Variants in CDIN1 observed in about 807,000 individuals in gnomAD.
The protein encoded by CDIN1 is CDAN1-interacting nuclease 1.
CDIN1 carries 33 observed loss-of-function variants against 45.3 expected under a neutral mutation model. The observed-to-expected ratio is 0.73, with a 90% CI of 0.55 to 0.97. The LOEUF is 0.97. Among genes scored for constraint, CDIN1 ranks in the 50% least tolerant of loss-of-function variants. The pLI is 0.00. For synonymous variants in CDIN1, 118 were observed against 124.4 expected, an observed-to-expected ratio of 0.95 and a Z score of 0.34; for missense variants, 303 against 339.4, an observed-to-expected ratio of 0.89 and a Z score of 0.84.
intron 10 of CDIN1, among the ~76,000 whole-genome samples, chr15:36,784,535 ATCTG>A (rs1417535651): frequency 2.0e-5 from 3 of 152,328 alleles, no homozygotes; most frequent in African/African-American, 7.2e-5. Context: ...TTACTTAAGA[ATCTG>A]TCTGCTGAAA....
chr15:36,626,227 G>A (rs2039416821), intron 1 of CDIN1, among the ~76,000 whole-genome samples: 2 of 150,728 alleles, frequency 1.3e-5, no homozygotes, highest in Admixed American at 6.6e-5. Context: ...AGCTAGAACT[G>A]ATGGGGAATC....
intron 7 of CDIN1, among the ~76,000 whole-genome samples, chr15:36,696,188 G>A (rs900800531): frequency 3.3e-5 from 5 of 152,060 alleles, no homozygotes; most frequent in African/African-American, 1.2e-4. Context: ...CACATAGTAA[G>A]CACTGAAAAA....
intron 10 of CDIN1, among the ~76,000 whole-genome samples, chr15:36,769,445 GATTTT>G (rs1327194639): frequency 4.6e-5 from 7 of 152,168 alleles, no homozygotes; most frequent in Admixed American, 2.0e-4. Context: ...GGAAACCTCA[GATTTT>G]GCTCTTCAAG....
At chr15:36,686,882 G>A (rs559293737) in intron 5 of CDIN1, among the ~76,000 whole-genome samples, 1 of 126,480 alleles carries the variant, frequency 7.9e-6, no homozygotes, top group South Asian at 3.0e-4. Flanking sequence ...AAAGATGGAG[G>A]GAGGGTGGGA....
At position 36,653,930 on chromosome 15, in the gene CDIN1, T is replaced by G. The variant is rs140561742; in HGVS notation, c.213-168T>G. On this transcript the variant is annotated intron_variant, in intron 3 of 10. Coordinates refer to ENST00000566621, the MANE Select transcript of CDIN1 (RefSeq NM_001321759.2). ...TGCCAGTGGTTTTGAGGTGAGTTGT[T>G]TGTGTTATGTTTTTCCCTTCAGTGC... Among the ~76,000 whole-genome samples the G allele has an allele frequency of 2.9e-3, 444 of 152,304 alleles. 3 individuals carry two copies. The highest frequency in any genetic ancestry group is 0.01 in the African/African-American group (422 of 41,570).
At chr15:36,775,152 T>A (rs1027922695) in intron 10 of CDIN1, among the ~76,000 whole-genome samples, 2 of 152,166 alleles carry the variant, frequency 1.3e-5, no homozygotes, top group African/African-American at 4.8e-5. Flanking sequence ...CTTACCAAAC[T>A]TTTGTTTTTC....
intron 5 of CDIN1, among the ~76,000 whole-genome samples, chr15:36,675,175 T>G (rs1180493018): frequency 6.6e-6 from 1 of 152,122 alleles, no homozygotes; most frequent in Non-Finnish European, 1.5e-5. Flanking sequence ...CATATTCATT[T>G]TTATTGGTGA....
Position 36,696,919 on chromosome 15 carries a change from C to A in CDIN1, c.477-404C>A, listed in dbSNP as rs1388897625. ...TTGAGCCTAGGAGTTTGAGACCAGC[C>A]TGAGCAACATAGTGCGATTCCATTT... is the stretch of plus-strand genomic sequence containing the variant. On this transcript the variant is annotated intron_variant, in intron 7 of 10. Transcript: ENST00000566621. 5.5e-5 allele frequency among the ~76,000 whole-genome samples: 8 copies of A among 144,784 alleles called. No homozygotes were observed. The East Asian group carries it at 1.4e-3, about 25-fold the overall frequency. 95.0% of individuals were successfully genotyped at this position (144,784 alleles called of 152,430 possible).
chr15:36,632,833 G>A (rs1298857353), intron 1 of CDIN1, among the ~76,000 whole-genome samples: 1 of 152,222 alleles, frequency 6.6e-6, no homozygotes, highest in Non-Finnish European at 1.5e-5. Context: ...TATATAATGT[G>A]TTGAAGTTAT....
At chr15:36,755,147 T>A (rs1235277422) in intron 10 of CDIN1, among the ~76,000 whole-genome samples, 1 of 152,210 alleles carries the variant, frequency 6.6e-6, no homozygotes, top group Non-Finnish European at 1.5e-5. Flanking sequence ...TTTTTGAAAT[T>A]GCAGAAGTAT....
chr15:36,729,958 G>GT (rs1257404419), intron 10 of CDIN1, among the ~76,000 whole-genome samples: 1 of 151,960 alleles, frequency 6.6e-6, no homozygotes, highest in East Asian at 1.9e-4. Context: ...CAAAGACAGT[G>GT]TTTTTTTAAA....
intron 1 of CDIN1, among the ~76,000 whole-genome samples, chr15:36,642,601 A>G (rs527388272): frequency 6.6e-6 from 1 of 152,212 alleles, no homozygotes; most frequent in Non-Finnish European, 1.5e-5. Flanking sequence ...TGGCTTATAC[A>G]GTACTCTCAA....
intron 10 of CDIN1, among the ~76,000 whole-genome samples, chr15:36,714,790 CCCTCTTATCAGGTGAATGAA>C (rs1278621289): frequency 2.6e-5 from 4 of 152,166 alleles, no homozygotes; most frequent in African/African-American, 9.7e-5. Context: ...TGGTTGTCTG[CCCTCTTATCAGGTGAATGAA>C]CCTGAAAGGG....
At chr15:36,697,863 T>C (rs527414828) in intron 8 of CDIN1, among the ~76,000 whole-genome samples, 7 of 152,322 alleles carry the variant, frequency 4.6e-5, no homozygotes, top group South Asian at 4.1e-4. Flanking sequence ...GGATTTATTA[T>C]GATTTTTTAA....
intron 10 of CDIN1, among the ~76,000 whole-genome samples, chr15:36,757,082 C>T (rs988810683): frequency 6.6e-6 from 1 of 152,134 alleles, no homozygotes; most frequent in African/African-American, 2.4e-5. Context: ...AATTTGTGAA[C>T]CATGGTAGCA....
chr15:36,638,257 A>G (rs1252430249), intron 1 of CDIN1, among the ~76,000 whole-genome samples: 2 of 152,198 alleles, frequency 1.3e-5, no homozygotes, highest in East Asian at 1.9e-4. Flanking sequence ...TACACATCAG[A>G]CATAGAGCAA....
chr15:36,721,338 C>T (rs1343655221), intron 10 of CDIN1, among the ~76,000 whole-genome samples: 1 of 152,122 alleles, frequency 6.6e-6, no homozygotes, highest in Non-Finnish European at 1.5e-5. Flanking sequence ...TACTTCTGAG[C>T]ACTGTTGTGG....
intron 5 of CDIN1, among the ~76,000 whole-genome samples, chr15:36,685,105 T>A (rs1467039555): frequency 1.3e-5 from 2 of 150,444 alleles, no homozygotes; most frequent in Non-Finnish European, 3.0e-5. Flanking sequence ...TTTTAGTTAT[T>A]TCTTGCCTTC....
chr15:36,604,358 C>T (rs1485506061), intron 1 of CDIN1, among the ~76,000 whole-genome samples: 1 of 143,302 alleles, frequency 7.0e-6, no homozygotes, highest in Non-Finnish European at 1.5e-5. Context: ...CCATGTAGAC[C>T]CAACAGCAAA....
Sources: gnomAD v4.1 joint callset for allele counts (sites outside exome capture counted in the v4.1 genomes callset) on GRCh38, gnomAD v4.1.1 for gene constraint, MANE v1.5 for transcripts, NCBI Gene and HGNC (gene_info 2026-07-23, HGNC 2026-07-21) for gene names.